Variants in WBP1L observed in about 807,000 individuals in gnomAD.
WBP1L encodes the protein WW domain binding protein 1-like.
WBP1L carries 17 observed loss-of-function variants against 33.7 expected under a neutral mutation model. The ratio of observed to expected loss-of-function variants is 0.50; its 90% confidence interval spans 0.34 to 0.76. The LOEUF is 0.76. Among genes scored for constraint, WBP1L ranks in the 30% least tolerant of loss-of-function variants. The pLI, the probability that WBP1L is intolerant of heterozygous loss-of-function variation, is 0.01. For missense variants in WBP1L, 389 were observed against 469.4 expected (o/e 0.83, Z 1.58); for synonymous variants, 173 against 190.8 (o/e 0.91, Z 0.77).
chr10:102,784,801 TCCTCCCACTTCAG>T (rs1382866001), intron 1 of WBP1L, among the ~76,000 whole-genome samples: 1 of 151,880 alleles, frequency 6.6e-6, no homozygotes, highest in Non-Finnish European at 1.5e-5. Context: ...GCTCAAGCAG[TCCTCCCACTTCAG>T]CCTCCCAAAG....
At chr10:102,763,010 G>C (rs190699406) in intron 1 of WBP1L, among the ~76,000 whole-genome samples, 1 of 152,126 alleles carries the variant, frequency 6.6e-6, no homozygotes, top group African/African-American at 2.4e-5. Context: ...TTTGAGACCA[G>C]CCTGGGCAAG....
intron 1 of WBP1L, among the ~76,000 whole-genome samples, chr10:102,769,360 CTTT>C (rs35421138): frequency 3.4e-5 from 4 of 118,040 alleles, no homozygotes; most frequent in Non-Finnish European, 2.1e-5. Context: ...TTTTTTCTTT[CTTT>C]TTTTTTTTTT....
intron 2 of WBP1L, among the ~76,000 whole-genome samples, chr10:102,808,314 G>A (rs771117241): frequency 7.3e-5 from 11 of 151,654 alleles, no homozygotes; most frequent in Non-Finnish European, 1.3e-4. Context: ...TTTCCCCCTC[G>A]TGCGTATATG....
intron 1 of WBP1L, among the ~76,000 whole-genome samples, chr10:102,791,098 G>T (rs913646752): frequency 2.6e-5 from 4 of 152,016 alleles, no homozygotes; most frequent in African/African-American, 9.7e-5. Context: ...CCCCTCTGAG[G>T]GCGCCAGCTT....
intron 1 of WBP1L, among the ~76,000 whole-genome samples, chr10:102,793,165 G>C (rs1022741467): frequency 6.6e-6 from 1 of 152,230 alleles, no homozygotes; most frequent in Admixed American, 6.5e-5. Context: ...CATAAGCTAG[G>C]TGTGGTGGCT....
chr10:102,806,466 C>T (rs1843737022), intron 2 of WBP1L, among the ~76,000 whole-genome samples: 1 of 152,128 alleles, frequency 6.6e-6, no homozygotes, highest in African/African-American at 2.4e-5. Flanking sequence ...AACTCCTTTC[C>T]AGCCTCTCCA....
intron 1 of WBP1L, among the ~76,000 whole-genome samples, chr10:102,745,422 A>G (rs1842854143): frequency 6.6e-6 from 1 of 152,134 alleles, no homozygotes. Context: ...TCATCACCCC[A>G]ATAGAAAACC....
At chr10:102,745,505 T>C (rs1842855244) in intron 1 of WBP1L, among the ~76,000 whole-genome samples, 1 of 152,190 alleles carries the variant, frequency 6.6e-6, no homozygotes, top group Non-Finnish European at 1.5e-5. Context: ...CTGCTTTCAG[T>C]CTCTATGGAT....
intron 1 of WBP1L, among the ~76,000 whole-genome samples, chr10:102,784,676 T>C (rs948894857): frequency 3.3e-5 from 5 of 151,836 alleles, no homozygotes; most frequent in African/African-American, 4.8e-5. Flanking sequence ...CTGCCCACCT[T>C]GGCCTCCCAA....
intron 1 of WBP1L, among the ~76,000 whole-genome samples, chr10:102,771,810 GA>G (rs58113573): frequency 0.49 from 68,086 of 138,806 alleles, 16,968 homozygotes; most frequent in East Asian, 0.77. Flanking sequence ...TCTGTCTCAA[GA>G]AAAAAAAAAA....
chr10:102,746,201 T>C (rs780171386), intron 1 of WBP1L: 3 of 982,484 alleles, frequency 3.1e-6, no homozygotes, highest in African/African-American at 1.7e-5. Flanking sequence ...AAGGGGATTG[T>C]TAATGTTATA....
rs141913574 is a variant in WBP1L at position 102,807,231 on chromosome 10, G to T, written c.194-2662G>T. On this transcript the variant is annotated intron_variant, in intron 2 of 3. Transcript: ENST00000448841. ...AAATTATTCCTTTGATACATTTTTA[G>T]TTGAGAAAAAAATATTCTTTTTACT... Among the ~76,000 whole-genome samples the T allele has an allele frequency of 2.0e-4, 31 of 152,132 alleles. No individual in the cohort carries two copies. The Middle Eastern group carries it at 0.01, about 50-fold the overall frequency.
At chr10:102,803,200 G>C (rs1843682599) in intron 2 of WBP1L, among the ~76,000 whole-genome samples, 1 of 152,184 alleles carries the variant, frequency 6.6e-6, no homozygotes, top group African/African-American at 2.4e-5. Flanking sequence ...CCAAATTCAG[G>C]CCTTTTCCAC....
chr10:102,776,025 G>T (rs1034894679), intron 1 of WBP1L: 3 of 914,470 alleles, frequency 3.3e-6, no homozygotes, highest in Non-Finnish European at 3.9e-6. Context: ...GTGGGTCCAG[G>T]GCTGGGCATC....
chr10:102,779,285 C>CGA (rs1027745912), intron 1 of WBP1L, among the ~76,000 whole-genome samples: 11 of 150,858 alleles, frequency 7.3e-5, no homozygotes, highest in African/African-American at 2.2e-4. Flanking sequence ...GCGACAAGAG[C>CGA]GAGACTCCAT....
At chr10:102,766,455 A>AG in intron 1 of WBP1L, among the ~76,000 whole-genome samples, 1 of 150,124 alleles carries the variant, frequency 6.7e-6, no homozygotes, top group Non-Finnish European at 1.5e-5. Flanking sequence ...AAAAAAAAAA[A>AG]AAAAAAAGGA....
At chr10:102,808,516 C>A (rs1166521551) in intron 2 of WBP1L, among the ~76,000 whole-genome samples, 1 of 144,538 alleles carries the variant, frequency 6.9e-6, no homozygotes, top group African/African-American at 2.5e-5. Context: ...TTCCGCCACC[C>A]TTCCCTGGAG....
chr10:102,800,688 T>C (rs1055749482), intron 2 of WBP1L, among the ~76,000 whole-genome samples: 7 of 152,218 alleles, frequency 4.6e-5, no homozygotes, highest in Admixed American at 3.9e-4. Flanking sequence ...TCTCCCTCTT[T>C]ATTGAGGTCA....
At chr10:102,751,779 T>G (rs148527543) in intron 1 of WBP1L, among the ~76,000 whole-genome samples, 1 of 152,302 alleles carries the variant, frequency 6.6e-6, no homozygotes, top group East Asian at 1.9e-4. Context: ...AATTTGATAC[T>G]GTCCTTGAGC....
Sources: allele counts gnomAD v4.1 joint callset (sites outside exome capture counted in the v4.1 genomes callset), GRCh38; gene constraint gnomAD v4.1.1; transcripts MANE v1.5; gene names NCBI Gene and HGNC (gene_info 2026-07-23, HGNC 2026-07-21).